SEMA3E: variants seen among roughly 807,000 people sequenced by gnomAD.
The protein encoded by SEMA3E is semaphorin 3E.
A neutral mutation model predicts 93.6 loss-of-function variants in SEMA3E; 49 were observed. The observed-to-expected ratio is 0.52, with a 90% confidence interval of 0.42 to 0.66. The LOEUF (loss-of-function observed/expected upper bound fraction) is 0.66, where lower values mean the gene tolerates loss of function less well. Ranked by LOEUF, SEMA3E falls within the 30% of genes least tolerant of loss-of-function variation. The pLI is 0.00. For synonymous variants in SEMA3E, 363 were observed against 330.7 expected (o/e 1.10, Z -1.06); for missense variants, 906 against 964.8 (o/e 0.94, Z 0.81).
intron 1 of SEMA3E, among the ~76,000 whole-genome samples, chr7:83,624,686 CTGA>C (rs1243232257): frequency 6.6e-6 from 1 of 152,146 alleles, no homozygotes; most frequent in Non-Finnish European, 1.5e-5. Flanking sequence ...CCTGTTCACT[CTGA>C]TGATAGTTTA....
chr7:83,580,831 T>C (rs1434273583), intron 1 of SEMA3E, among the ~76,000 whole-genome samples: 1 of 152,004 alleles, frequency 6.6e-6, no homozygotes, highest in African/African-American at 2.4e-5. Flanking sequence ...TATAAGGCAC[T>C]AAATGCTGTG....
At chr7:83,602,387 T>A (rs1793014165) in intron 1 of SEMA3E, among the ~76,000 whole-genome samples, 1 of 152,192 alleles carries the variant, frequency 6.6e-6, no homozygotes, top group Non-Finnish European at 1.5e-5. Context: ...ACCTGAAATT[T>A]TCACATAAGC....
intron 1 of SEMA3E, among the ~76,000 whole-genome samples, chr7:83,546,752 A>G (rs1791659138): frequency 1.3e-5 from 2 of 152,100 alleles, no homozygotes; most frequent in Admixed American, 6.6e-5. Context: ...TGGAAAATAA[A>G]TTAATGATGA....
chr7:83,420,071 G>T (rs751912574), intron 4 of SEMA3E, among the ~76,000 whole-genome samples: 13 of 152,240 alleles, frequency 8.5e-5, no homozygotes, highest in Admixed American at 2.0e-4. Context: ...TCCTAGAACA[G>T]ATAGATGATT....
In SEMA3E at chr7:83,495,477, A is replaced by G. The variant is rs1790472489; in HGVS notation, c.116-5203T>C. On this transcript the variant is annotated intron_variant, in intron 1 of 16. Coordinates refer to ENST00000643230, the MANE Select transcript of SEMA3E (RefSeq NM_012431.3). ...AAAAAGAGCATTATAAACATAAAAC[A>G]ATTAATGAGATCAAAGCAGTAAACT... is the stretch of plus-strand genomic sequence containing the variant. Among the ~76,000 whole-genome samples, 4 of 72,916 alleles carry G rather than the reference A, an allele frequency of 5.5e-5. No individual in the cohort carries two copies. In the Admixed American group the frequency reaches 6.5e-4, roughly 12 times the overall value. 47.8% of individuals were successfully genotyped at this position (72,916 alleles called of 152,430 possible).
intron 1 of SEMA3E, among the ~76,000 whole-genome samples, chr7:83,570,305 G>A (rs1206039201): frequency 6.6e-6 from 1 of 151,938 alleles, no homozygotes; most frequent in Non-Finnish European, 1.5e-5. Flanking sequence ...TGTAATCCCA[G>A]CACTTTGGGA....
intron 1 of SEMA3E, among the ~76,000 whole-genome samples, chr7:83,611,602 A>G (rs1025804929): frequency 2.0e-5 from 3 of 151,558 alleles, no homozygotes; most frequent in Middle Eastern, 3.4e-3. Context: ...ACTTGGAATC[A>G]TCCTTGGTAC....
At chr7:83,473,280 G>A (rs1214949796) in intron 2 of SEMA3E, among the ~76,000 whole-genome samples, 2 of 152,182 alleles carry the variant, frequency 1.3e-5, no homozygotes, top group African/African-American at 4.8e-5. Context: ...CCTTAGTTAA[G>A]AAGGATTCAG....
At chr7:83,405,074 CTA>C (rs1256626201) in intron 9 of SEMA3E, among the ~76,000 whole-genome samples, 1 of 151,636 alleles carries the variant, frequency 6.6e-6, no homozygotes, top group Non-Finnish European at 1.5e-5. Context: ...TTGGAAAATT[CTA>C]TGTGATGAAT....
At chr7:83,624,939 A>C (rs539105303) in intron 1 of SEMA3E, among the ~76,000 whole-genome samples, 1 of 152,216 alleles carries the variant, frequency 6.6e-6, no homozygotes, top group Non-Finnish European at 1.5e-5. Context: ...AGTTCTCTGC[A>C]TATAGCTAGC....
intron 2 of SEMA3E, among the ~76,000 whole-genome samples, chr7:83,480,228 G>T (rs1223358731): frequency 6.6e-6 from 1 of 152,152 alleles, no homozygotes; most frequent in Non-Finnish European, 1.5e-5. Context: ...ATTACCTGAG[G>T]TCAGGAGTTC....
intron 1 of SEMA3E, among the ~76,000 whole-genome samples, chr7:83,605,432 C>CTTTTTTTTTTTTTTTTTTTTT (rs984270674): frequency 6.8e-6 from 1 of 147,938 alleles, no homozygotes. Flanking sequence ...AATGTCCTCT[C>CTTTTTTTTTTTTTTTTTTTTT]TTTTTTTTTT....
chr7:83,410,869 C>T (rs577928312), intron 5 of SEMA3E, among the ~76,000 whole-genome samples: 3 of 152,004 alleles, frequency 2.0e-5, no homozygotes, highest in East Asian at 3.9e-4. Context: ...ATATAAAGAC[C>T]AGCTTGTTAA....
intron 1 of SEMA3E, among the ~76,000 whole-genome samples, chr7:83,490,619 T>C (rs1790364149): frequency 6.6e-6 from 1 of 151,968 alleles, no homozygotes; most frequent in South Asian, 2.1e-4. Context: ...CCCACCAGAG[T>C]GTGTTTATTA....
intron 4 of SEMA3E, among the ~76,000 whole-genome samples, chr7:83,454,820 A>G (rs1314837400): frequency 6.6e-6 from 1 of 152,236 alleles, no homozygotes; most frequent in African/African-American, 2.4e-5. Flanking sequence ...AAAAGGCAAG[A>G]ACATTATGTC....
intron 2 of SEMA3E, among the ~76,000 whole-genome samples, chr7:83,475,860 G>A (rs1024194516): frequency 6.6e-6 from 1 of 152,150 alleles, no homozygotes; most frequent in Non-Finnish European, 1.5e-5. Flanking sequence ...GTTCCTAGCA[G>A]CAAAACTAAT....
At chr7:83,429,299 G>A (rs1416429423) in intron 4 of SEMA3E, among the ~76,000 whole-genome samples, 1 of 152,034 alleles carries the variant, frequency 6.6e-6, no homozygotes, top group African/African-American at 2.4e-5. Context: ...GCAAAATTCT[G>A]TTTTCACTTC....
At chr7:83,443,332 C>T (rs1789157498) in intron 4 of SEMA3E, among the ~76,000 whole-genome samples, 1 of 152,124 alleles carries the variant, frequency 6.6e-6, no homozygotes, top group African/African-American at 2.4e-5. Context: ...GTATCCACTT[C>T]TGACAGAAAA....
At chr7:83,445,691 C>G (rs1421549202) in intron 4 of SEMA3E, among the ~76,000 whole-genome samples, 1 of 151,840 alleles carries the variant, frequency 6.6e-6, no homozygotes, top group African/African-American at 2.4e-5. Flanking sequence ...GCATTCCAGC[C>G]TGGGCAACAA....
Sources: allele counts gnomAD v4.1 joint callset (sites outside exome capture counted in the v4.1 genomes callset), GRCh38; gene constraint gnomAD v4.1.1; transcripts MANE v1.5; gene names NCBI Gene and HGNC (gene_info 2026-07-23, HGNC 2026-07-21).